TSPAN12: variants seen among roughly 807,000 people sequenced by gnomAD.
The protein encoded by TSPAN12 is tetraspanin 12.
Under a neutral mutation model 39.2 loss-of-function variants are expected in TSPAN12, and 19 were observed. The ratio of observed to expected loss-of-function variants is 0.49; its 90% CI spans 0.34 to 0.71. The LOEUF (loss-of-function observed/expected upper bound fraction) is 0.71. Among genes scored for constraint, TSPAN12 ranks in the 30% least tolerant of loss-of-function variants. The probability of loss-of-function intolerance (pLI) is 0.01; values close to 1 mark genes in which losing one functional copy is unlikely to be tolerated. For missense variants in TSPAN12, 314 were observed against 359.9 expected (o/e 0.87, Z 1.03); for synonymous variants, 119 against 124.8 (o/e 0.95, Z 0.31).
At chr7:120,835,237 A>G (rs1358456343) in intron 4 of TSPAN12, among the ~76,000 whole-genome samples, 1 of 152,184 alleles carries the variant, frequency 6.6e-6, no homozygotes, top group Non-Finnish European at 1.5e-5. Flanking sequence ...GACATCAGTA[A>G]AGGCCCAGTG....
intron 6 of TSPAN12, among the ~76,000 whole-genome samples, chr7:120,807,853 A>G (rs1269516760): frequency 6.6e-6 from 1 of 152,154 alleles, no homozygotes; most frequent in Non-Finnish European, 1.5e-5. Flanking sequence ...TGAAATTTTG[A>G]GAAACTTAAA....
intron 6 of TSPAN12, among the ~76,000 whole-genome samples, chr7:120,809,584 C>G (rs1793938828): frequency 6.6e-6 from 1 of 152,138 alleles, no homozygotes; most frequent in Non-Finnish European, 1.5e-5. Context: ...ACGTAAGACA[C>G]TAATTCTCAA....
chr7:120,812,331 G>A (rs1793998146), intron 5 of TSPAN12, among the ~76,000 whole-genome samples: 1 of 152,116 alleles, frequency 6.6e-6, no homozygotes, highest in Admixed American at 6.5e-5. Flanking sequence ...CAGTATTAAG[G>A]CAACTCTGGG....
At chr7:120,798,477 C>A in intron 7 of TSPAN12, among the ~76,000 whole-genome samples, 1 of 152,196 alleles carries the variant, frequency 6.6e-6, no homozygotes, top group East Asian at 1.9e-4. Flanking sequence ...AAACTGCAAA[C>A]TGCCTACCGT....
At chr7:120,796,783 G>A (rs1400184352) in intron 7 of TSPAN12, among the ~76,000 whole-genome samples, 1 of 152,046 alleles carries the variant, frequency 6.6e-6, no homozygotes, top group Admixed American at 6.6e-5. Context: ...GATGACACCC[G>A]TGTAAACTTA....
chr7:120,825,094 T>C (rs1794259877), intron 4 of TSPAN12, among the ~76,000 whole-genome samples: 1 of 152,192 alleles, frequency 6.6e-6, no homozygotes, highest in South Asian at 2.1e-4. Context: ...TAAATGCCAC[T>C]GCAAAAGAAT....
At chr7:120,811,832 G>C (rs569597536) in intron 5 of TSPAN12, among the ~76,000 whole-genome samples, 2 of 152,162 alleles carry the variant, frequency 1.3e-5, no homozygotes, top group South Asian at 4.2e-4. Flanking sequence ...TTTCTCACTC[G>C]TATGTGGGAG....
intron 2 of TSPAN12, among the ~76,000 whole-genome samples, chr7:120,848,309 T>C (rs1005978607): frequency 6.6e-6 from 1 of 152,120 alleles, no homozygotes; most frequent in Non-Finnish European, 1.5e-5. Context: ...CTCATCCCAG[T>C]AGAGGGCACA....
intron 6 of TSPAN12, 88 bp downstream of exon 6, chr7:120,810,370 CAGAGG>C: frequency 1.2e-6 from 1 of 834,858 alleles, no homozygotes; most frequent in East Asian, 2.5e-5. Context: ...TTTTTCAGCA[CAGAGG>C]AAATTACCAA....
At chr7:120,810,623 TTCAC>T (rs1394995459) in intron 5 of TSPAN12, 53 bp from the exon 6 acceptor site, 1 of 770,960 alleles carries the variant, frequency 1.3e-6, no homozygotes, top group African/African-American at 2.6e-5. Flanking sequence ...CAGACACAGA[TTCAC>T]ACACACACAC....
At chr7:120,798,070 G>A (rs1793667127) in intron 7 of TSPAN12, among the ~76,000 whole-genome samples, 1 of 152,140 alleles carries the variant, frequency 6.6e-6, no homozygotes, top group Admixed American at 6.6e-5. Context: ...TACTAATAGA[G>A]TCCAAAAGGA....
intron 4 of TSPAN12, 52 bp downstream of exon 4, chr7:120,838,725 T>C (rs2116466039): frequency 6.4e-7 from 1 of 1,568,518 alleles, no homozygotes; most frequent in Middle Eastern, 1.7e-4. Context: ...AAAAATAATA[T>C]ATTACTGGTT....
rs1256515951 is a variant in TSPAN12 at position 120,857,913 on chromosome 7, G to C, written c.-164C>G. 1 of 152,424 alleles carries C rather than the reference G, an allele frequency of 6.6e-6. No homozygotes were observed. Among genetic ancestry groups the C allele is most frequent in the East Asian group, 1.9e-4 (1 of 5,156 alleles). 9.4% of individuals were successfully genotyped at this position (152,424 alleles called of 1,614,324 possible). On this transcript the variant is annotated 5_prime_UTR_variant, in exon 1 of 8. Coordinates refer to ENST00000222747, the MANE Select transcript of TSPAN12 (RefSeq NM_012338.4). ...GGGGCAGGGAACTTCTTCGCGGAGAGCCGGAGGGCTGCATTGGCTTCAGCT... is the reference window on the plus strand; with the variant it reads ...GGGGCAGGGAACTTCTTCGCGGAGACCCGGAGGGCTGCATTGGCTTCAGCT...
chr7:120,800,354 G>A (rs956250774), intron 7 of TSPAN12, among the ~76,000 whole-genome samples: 1 of 152,072 alleles, frequency 6.6e-6, no homozygotes, highest in Non-Finnish European at 1.5e-5. Context: ...TTTGGACTTG[G>A]TGTTTGTCTC....
At chr7:120,804,867 A>AG in intron 7 of TSPAN12, among the ~76,000 whole-genome samples, 1 of 152,108 alleles carries the variant, frequency 6.6e-6, no homozygotes, top group East Asian at 1.9e-4. Context: ...AAGATGAAAC[A>AG]GATCAGGGTG....
At chr7:120,801,418 T>C (rs1320244300) in intron 7 of TSPAN12, among the ~76,000 whole-genome samples, 8 of 152,198 alleles carry the variant, frequency 5.3e-5, no homozygotes, top group African/African-American at 1.7e-4. Flanking sequence ...TATTTAAAAC[T>C]GTAACCCAAC....
At chr7:120,841,912 CT>C (rs1009583282) in intron 2 of TSPAN12, among the ~76,000 whole-genome samples, 7 of 152,202 alleles carry the variant, frequency 4.6e-5, no homozygotes, top group Non-Finnish European at 1.0e-4. Context: ...AGAAGTCTTC[CT>C]GGGAAGCTTT....
chr7:120,800,426 C>G (rs552293595), intron 7 of TSPAN12, among the ~76,000 whole-genome samples: 1 of 152,276 alleles, frequency 6.6e-6, no homozygotes, highest in Admixed American at 6.5e-5. Context: ...ATTCCCCATT[C>G]TTCATACTTG....
At chr7:120,827,657 T>C (rs1319890858) in intron 4 of TSPAN12, among the ~76,000 whole-genome samples, 1 of 152,202 alleles carries the variant, frequency 6.6e-6, no homozygotes, top group Non-Finnish European at 1.5e-5. Context: ...AATATAACGA[T>C]GTTGAAAAGT....
Sources: gnomAD v4.1 joint callset for allele counts (sites outside exome capture counted in the v4.1 genomes callset) on GRCh38, gnomAD v4.1.1 for gene constraint, MANE v1.5 for transcripts, NCBI Gene and HGNC (gene_info 2026-07-23, HGNC 2026-07-21) for gene names.